PKP1: variants seen among roughly 807,000 people sequenced by gnomAD.
PKP1 encodes plakophilin 1, also known as plakophilin-1.
In PKP1, 27 loss-of-function variants were observed where a neutral mutation model predicts 76.4. The observed-to-expected ratio is 0.35, with a 90% CI of 0.26 to 0.49. The LOEUF (loss-of-function observed/expected upper bound fraction) is 0.49, where lower values mean the gene tolerates loss of function less well. Among genes scored for constraint, PKP1 ranks in the 20% least tolerant of loss-of-function variants. The probability of loss-of-function intolerance (pLI) is 0.99; values close to 1 mark genes in which losing one functional copy is unlikely to be tolerated. For missense variants in PKP1, 964 were observed against 955.2 expected (o/e 1.01, Z -0.12); for synonymous variants, 404 against 384.2 (o/e 1.05, Z -0.60).
chr1:201,318,917 T>A, intron 6 of PKP1, 122 bp downstream of exon 6: 2 of 848,054 alleles, frequency 2.4e-6, no homozygotes, highest in Non-Finnish European at 3.9e-6. Flanking sequence ...CACTCCCTCT[T>A]ATGGGCAGGC....
chr1:201,311,761 C>T (rs985775605), intron 2 of PKP1, among the ~76,000 whole-genome samples: 15 of 152,192 alleles, frequency 9.9e-5, no homozygotes, highest in African/African-American at 3.4e-4. Flanking sequence ...CTGGCCCATC[C>T]CAGCAAAGGT....
At chr1:201,291,631 G>A (rs866422216) in intron 1 of PKP1, among the ~76,000 whole-genome samples, 2 of 152,156 alleles carry the variant, frequency 1.3e-5, no homozygotes, top group Non-Finnish European at 2.9e-5. Flanking sequence ...AGGCCTCCCC[G>A]GTGCTCCATA....
rs969074166 is a variant in PKP1 at position 201,317,757 on chromosome 1, C to T, written c.1032C>T (p.Ala344=). 14 of 1,613,492 alleles carry T rather than the reference C, an allele frequency of 8.7e-6. No homozygotes were observed. Among genetic ancestry groups the T allele is most frequent in the South Asian group, 3.3e-5 (3 of 91,044 alleles). ...GCCTCCTGAGGAGAACCGGGAACGC[C>T]GAGATCCAGAAGCAGCTGACTGGTA... ...AVSLLRRTGN[A]EIQKQLTGLL... The change falls in exon 5 of 14, where the codon GCC becomes GCT. Residue 344 remains alanine, a synonymous_variant. Transcript: ENST00000367324.
rs1426789822 is a variant in PKP1, at chr1:201,325,136, G to A, written c.2021+9G>A. 2.5e-6 allele frequency: 4 copies of A among 1,613,008 alleles called. No individual in the cohort carries two copies. The East Asian group carries it at 6.7e-5, about 27-fold the overall frequency. ...AACCTGTGCCGAAGCAGGTGGGCGG[G>A]GGGTTGCTCCCACGGGCTGCACCCC... On this transcript the variant is annotated intron_variant, in intron 11 of 13. Transcript: ENST00000367324.
chr1:201,313,699 G>A, intron 3 of PKP1, 139 bp downstream of exon 3: 1 of 916,172 alleles, frequency 1.1e-6, no homozygotes, highest in South Asian at 1.8e-5. Flanking sequence ...ATTGCCCCTG[G>A]TGTAATGGAC....
intron 9 of PKP1, 64 bp downstream of exon 9, chr1:201,323,253 C>T (rs1233136352): frequency 6.7e-7 from 1 of 1,498,476 alleles, no homozygotes; most frequent in Admixed American, 1.7e-5. Flanking sequence ...CCAGCCTCTG[C>T]TCCCTCCTTT....
chr1:201,289,021 G>T (rs934794026), intron 1 of PKP1, among the ~76,000 whole-genome samples: 1 of 152,182 alleles, frequency 6.6e-6, no homozygotes, highest in Non-Finnish European at 1.5e-5. Context: ...AGGCTGTGCT[G>T]AACTCCTTGC....
rs1269662059 is a variant in PKP1 at position 201,331,852 on chromosome 1, G to A, written c.*1811G>A. 1 of 152,334 alleles carries A rather than the reference G, an allele frequency of 6.6e-6. No individual in the cohort carries two copies. Among genetic ancestry groups the A allele is most frequent in the Non-Finnish European group, 1.5e-5 (1 of 68,162 alleles). 9.4% of individuals were successfully genotyped at this position (152,334 alleles called of 1,614,324 possible). The stretch of plus-strand genomic sequence containing the variant: ...TGTTCACACTGGGAGGCCCACTCCT[G>A]GCTCACCTCTCCCTCTCAGGGACCC... On this transcript the variant is annotated 3_prime_UTR_variant, in exon 14 of 14. Transcript: ENST00000367324.
chr1:201,288,249 C>T (rs1305470657), intron 1 of PKP1, among the ~76,000 whole-genome samples: 1 of 152,180 alleles, frequency 6.6e-6, no homozygotes, highest in Admixed American at 6.5e-5. Flanking sequence ...GATTTTATAA[C>T]TCTCTAGCTC....
chr1:201,322,060 A>C lies in PKP1; in HGVS notation c.1430A>C (p.Glu477Ala). Reference protein sequence around the residue: ...AEVPTRYRQLEYNARNAYTEK... With the variant: ...AEVPTRYRQLAYNARNAYTEK... Reference sequence around the variant, plus strand: ...GTGCCCACCCGCTACCGCCAGCTGGAGTATAACGCCCGCAACGCCTACACC... The same window carrying C: ...GTGCCCACCCGCTACCGCCAGCTGGCGTATAACGCCCGCAACGCCTACACC... The change falls in exon 8 of 14, where the codon GAG becomes GCG. Residue 477 changes from glutamate to alanine, a missense_variant. Transcript: ENST00000367324. 6.2e-7 allele frequency: 1 copy of C among 1,613,810 alleles called. No homozygotes were observed. The highest frequency in any genetic ancestry group is 8.5e-7 in the Non-Finnish European group (1 of 1,179,992).
chr1:201,289,298 A>G lies in PKP1; in HGVS notation c.203-4644A>G, dbSNP rs746061322. On this transcript the variant is annotated intron_variant, in intron 1 of 13. Transcript: ENST00000367324. ...GGGCACCATGGGTGAAAGAGATTTCAGAGGGTGAAGTAAAGGCATTTTCAA... is the reference window on the plus strand; with the variant it reads ...GGGCACCATGGGTGAAAGAGATTTCGGAGGGTGAAGTAAAGGCATTTTCAA... Among the ~76,000 whole-genome samples, 74 of 152,192 alleles carry G rather than the reference A, an allele frequency of 4.9e-4. 1 individual carries two copies. Among genetic ancestry groups the G allele is most frequent in the Admixed American group, 8.5e-4 (13 of 15,288 alleles).
intron 8 of PKP1, 129 bp from the exon 9 acceptor site, chr1:201,322,884 C>A: frequency 1.1e-6 from 1 of 911,464 alleles, no homozygotes. Context: ...CCTGCCTCTG[C>A]AGGCGCTTCC....
At chr1:201,318,169 CA>C (rs1206033754) in intron 5 of PKP1, among the ~76,000 whole-genome samples, 1 of 152,098 alleles carries the variant, frequency 6.6e-6, no homozygotes, top group Non-Finnish European at 1.5e-5. Context: ...GGTAGGCACT[CA>C]AGGTGGGGGG....
chr1:201,322,249 C>T (rs1010457198), intron 8 of PKP1, 116 bp downstream of exon 8: 15 of 1,145,078 alleles, frequency 1.3e-5, no homozygotes, highest in Non-Finnish European at 1.7e-5. Context: ...CCCTAAGGGA[C>T]AGGCCCATGC....
chr1:201,287,943 C>G (rs1279032502), intron 1 of PKP1, among the ~76,000 whole-genome samples: 3 of 152,214 alleles, frequency 2.0e-5, no homozygotes. Context: ...CATGCGCACA[C>G]ATGTATACAC....
rs1285137520 is a variant in PKP1 at position 201,320,342 on chromosome 1, T to C, written c.1308T>C (p.Tyr436=). Residue 436 remains tyrosine (Y), a synonymous_variant, in exon 7 of 14, where the codon TAT becomes TAC. Coordinates refer to ENST00000367324, the MANE Select transcript of PKP1 (RefSeq NM_001005337.3). ...YSGLIDSLMA[Y]VQNCVAASRC... ...GGCTCATTGATTCCCTCATGGCCTA[T>C]GTCCAGAACTGTGTAGCGGCCAGCC... 1 of 1,614,000 alleles carries C rather than the reference T, an allele frequency of 6.2e-7. No individual in the cohort carries two copies. The highest frequency in any genetic ancestry group is 8.5e-7 in the Non-Finnish European group (1 of 1,179,838).
chr1:201,313,377 G>C lies in PKP1; in HGVS notation c.518G>C (p.Gly173Ala), dbSNP rs932061675. 2 of 1,581,570 alleles carry C rather than the reference G, an allele frequency of 1.3e-6. No homozygotes were observed. Among genetic ancestry groups the C allele is most frequent in the Non-Finnish European group, 8.6e-7 (1 of 1,163,504 alleles). ...GGCACCCTGCGCAAGGGCACGCTGG[G>C]CAGCAAGGGCCAGAAGACCACCCAG... ...PRGTLRKGTL[G>A]SKGQKTTQNR... Residue 173 changes from glycine to alanine, a missense_variant, in exon 3 of 14, where the codon GGC becomes GCC. Gly to Ala is a moderately conservative substitution (Grantham distance 60). Coordinates refer to ENST00000367324, the MANE Select transcript of PKP1 (RefSeq NM_001005337.3).
intron 2 of PKP1, 101 bp from the exon 3 acceptor site, chr1:201,313,065 C>T (rs531557391): frequency 8.6e-5 from 105 of 1,219,242 alleles, no homozygotes; most frequent in Non-Finnish European, 8.1e-5. Flanking sequence ...ATTCTGTAAG[C>T]GTTATTATGG....
At chr1:201,286,786 T>C (rs1414594973) in intron 1 of PKP1, among the ~76,000 whole-genome samples, 1 of 152,160 alleles carries the variant, frequency 6.6e-6, no homozygotes, top group Non-Finnish European at 1.5e-5. Flanking sequence ...CTTCCCAGAC[T>C]GTGTGGAAGG....
Sources: gnomAD v4.1 joint callset for allele counts (sites outside exome capture counted in the v4.1 genomes callset) on GRCh38, gnomAD v4.1.1 for gene constraint, MANE v1.5 for transcripts, NCBI Gene and HGNC (gene_info 2026-07-23, HGNC 2026-07-21) for gene names.